TRAF5: variants seen among roughly 807,000 people sequenced by gnomAD.
The protein encoded by TRAF5 is TNF receptor-associated factor 5.
Under a neutral mutation model 64.5 loss-of-function variants are expected in TRAF5, and 48 were observed. The ratio of observed to expected loss-of-function variants is 0.74; its 90% CI spans 0.59 to 0.95. TRAF5 has a LOEUF of 0.95. Among genes scored for constraint, TRAF5 ranks in the 40% least tolerant of loss-of-function variants. TRAF5 has a pLI of 0.00. For missense variants in TRAF5, 545 were observed against 662.8 expected (o/e 0.82, Z 1.95); for synonymous variants, 206 against 240.5 (o/e 0.86, Z 1.33).
At chr1:211,336,814 C>T in intron 1 of TRAF5, among the ~76,000 whole-genome samples, 1 of 152,240 alleles carries the variant, frequency 6.6e-6, no homozygotes, top group Admixed American at 6.5e-5. Context: ...CGTATGCCAC[C>T]ATGCCCAGCT....
At chr1:211,329,559 T>G (rs1702105950) in intron 1 of TRAF5, among the ~76,000 whole-genome samples, 1 of 152,236 alleles carries the variant, frequency 6.6e-6, no homozygotes, top group Non-Finnish European at 1.5e-5. Flanking sequence ...CCAAGTCTTC[T>G]TTCTCCAATT....
chr1:211,346,528 C>T, intron 1 of TRAF5: 1 of 805,126 alleles, frequency 1.2e-6, no homozygotes, highest in South Asian at 5.7e-5. Flanking sequence ...CTTGAAAACC[C>T]TGAAGACAAA....
chr1:211,328,223 C>G (rs1319295544), intron 1 of TRAF5, among the ~76,000 whole-genome samples: 1 of 152,106 alleles, frequency 6.6e-6, no homozygotes, highest in African/African-American at 2.4e-5. Context: ...ATCCCTAACT[C>G]TAATTTGAAC....
At position 211,349,034 on chromosome 1, in the gene TRAF5, TAAAAAAA is replaced by T. The variant is rs373131975; in HGVS notation, c.-1-4187_-1-4181del. Reference sequence around the variant, plus strand: ...GGGCAACATAGTGAGACTCTGTCTCTAAAAAAAAAAAAAAAAAAAAAAAATTAGCCAG... The same window carrying T: ...GGGCAACATAGTGAGACTCTGTCTCTAAAAAAAAAAAAAAAAATTAGCCAG... On this transcript the variant is annotated intron_variant, in intron 1 of 10. Transcript: ENST00000261464. Among the ~76,000 whole-genome samples, 5 of 84,676 alleles carry T rather than the reference TAAAAAAA, an allele frequency of 5.9e-5. No individual in the cohort carries two copies. The East Asian group carries it at 1.0e-3, about 17-fold the overall frequency. The allele number at this position is 84,676 out of a possible 152,430, so 55.6% of individuals were successfully genotyped here. A position where few individuals can be genotyped will look rare whatever the true frequency, so the allele number is the denominator to read the frequency against.
chr1:211,353,797 T>C (rs1020980650), intron 2 of TRAF5, among the ~76,000 whole-genome samples: 1 of 152,198 alleles, frequency 6.6e-6, no homozygotes, highest in African/African-American at 2.4e-5. Context: ...TTCCCTTGCC[T>C]TGAGGCAGAG....
At chr1:211,360,247 C>CT in intron 5 of TRAF5, 171 bp downstream of exon 5, 1 of 656,018 alleles carries the variant, frequency 1.5e-6, no homozygotes. Flanking sequence ...TTAAAACCTT[C>CT]TTGTTGGTAG....
chr1:211,343,553 CTG>C (rs1477386326), intron 1 of TRAF5, among the ~76,000 whole-genome samples: 1 of 152,146 alleles, frequency 6.6e-6, no homozygotes, highest in Non-Finnish European at 1.5e-5. Context: ...TCCGGAATGG[CTG>C]GGATTACAGG....
chr1:211,353,571 C>T (rs906374307), intron 2 of TRAF5, 114 bp downstream of exon 2: 15 of 1,049,188 alleles, frequency 1.4e-5, no homozygotes, highest in East Asian at 2.6e-5. Context: ...GCCACAGAAC[C>T]ATGACTGTAA....
chr1:211,360,979 C>A, intron 6 of TRAF5, 109 bp from the exon 7 acceptor site: 2 of 1,173,200 alleles, frequency 1.7e-6, no homozygotes, highest in Non-Finnish European at 2.5e-6. Context: ...CCAGGCCTCT[C>A]TCCTTCTCCT....
rs891136291 is a variant in TRAF5, at chr1:211,354,757, A to G, written c.276+290A>G. On this transcript the variant is annotated intron_variant, in intron 3 of 10. Coordinates refer to ENST00000261464, the MANE Select transcript of TRAF5 (RefSeq NM_001033910.3). Reference sequence around the variant, plus strand: ...ATATTTCATTATGGTTTTGATTTGCATTTTCCTGTTGGCTAATGAAGTTGA... The same window carrying G: ...ATATTTCATTATGGTTTTGATTTGCGTTTTCCTGTTGGCTAATGAAGTTGA... 2.0e-5 allele frequency among the ~76,000 whole-genome samples: 3 copies of G among 151,830 alleles called. No homozygotes were observed. The East Asian group carries it at 5.8e-4, about 29-fold the overall frequency.
intron 1 of TRAF5, among the ~76,000 whole-genome samples, chr1:211,347,283 G>A (rs570192732): frequency 5.7e-4 from 87 of 152,278 alleles, no homozygotes; most frequent in African/African-American, 2.0e-3. Flanking sequence ...AGGTAAAGAA[G>A]CATAGCCTTT....
intron 1 of TRAF5, among the ~76,000 whole-genome samples, chr1:211,329,956 C>T (rs1417602541): frequency 6.6e-6 from 1 of 152,194 alleles, no homozygotes; most frequent in Non-Finnish European, 1.5e-5. Flanking sequence ...GATCACTCAG[C>T]AGCCTTGACC....
chr1:211,333,740 G>A (rs966595567), intron 1 of TRAF5, among the ~76,000 whole-genome samples: 7 of 151,834 alleles, frequency 4.6e-5, no homozygotes, highest in African/African-American at 1.7e-4. Context: ...CAAGTGATCT[G>A]CCCGTCTTGG....
At position 211,366,646 on chromosome 1, in the gene TRAF5, G is replaced by C. The variant is rs115435483; in HGVS notation, c.789+1178G>C. 2.4e-3 allele frequency among the ~76,000 whole-genome samples: 364 copies of C among 152,284 alleles called. 2 individuals are homozygous for C. Among genetic ancestry groups the C allele is most frequent in the Non-Finnish European group, 3.5e-3 (238 of 68,018 alleles). ...ATTCATCAGTTAAAATGTTGTGGAA[G>C]AAGGACATCCAAAAGGGAGAGCTTG... is the stretch of plus-strand genomic sequence containing the variant. On this transcript the variant is annotated intron_variant, in intron 8 of 10. Transcript: ENST00000261464.
At chr1:211,336,290 A>C (rs756932043) in intron 1 of TRAF5, among the ~76,000 whole-genome samples, 43 of 152,212 alleles carry the variant, frequency 2.8e-4, no homozygotes, top group Non-Finnish European at 3.5e-4. Flanking sequence ...CCCCTTTCTC[A>C]GGTGCCTGCT....
At chr1:211,352,466 T>G (rs1378199414) in intron 1 of TRAF5, among the ~76,000 whole-genome samples, 31 of 150,024 alleles carry the variant, frequency 2.1e-4, no homozygotes, top group Non-Finnish European at 3.4e-4. Context: ...AAAAAAGTTT[T>G]TTTTTTTTTT....
intron 5 of TRAF5, 142 bp from the exon 6 acceptor site, chr1:211,360,537 ATTTACACCTAGAAAGTGGACATC>A: frequency 3.5e-6 from 2 of 566,660 alleles, no homozygotes; most frequent in Non-Finnish European, 6.2e-6. Context: ...AATTAAGTTC[ATTTACACCTAGAAAGTGGACATC>A]TTTAATCCTT....
At chr1:211,332,297 C>A (rs1310104472) in intron 1 of TRAF5, among the ~76,000 whole-genome samples, 1 of 152,214 alleles carries the variant, frequency 6.6e-6, no homozygotes, top group African/African-American at 2.4e-5. Context: ...TAGCCAGGAG[C>A]AGACCAGTTA....
intron 7 of TRAF5, among the ~76,000 whole-genome samples, chr1:211,363,858 C>T (rs1703262240): frequency 6.8e-6 from 1 of 148,130 alleles, no homozygotes; most frequent in Non-Finnish European, 1.5e-5. Flanking sequence ...TTGCAGTGAG[C>T]CAAGGTCATG....
Sources: gnomAD v4.1 joint callset for allele counts (sites outside exome capture counted in the v4.1 genomes callset) on GRCh38, gnomAD v4.1.1 for gene constraint, MANE v1.5 for transcripts, NCBI Gene and HGNC (gene_info 2026-07-23, HGNC 2026-07-21) for gene names.